Variants in PAX5 observed in about 807,000 individuals in gnomAD.
PAX5 encodes paired box protein Pax-5.
Under a neutral mutation model 43.7 loss-of-function variants are expected in PAX5, and 9 were observed. The ratio of observed to expected loss-of-function variants is 0.21; its 90% CI spans 0.12 to 0.36. The LOEUF is 0.36. Ranked by LOEUF, PAX5 falls within the 10% of genes least tolerant of loss-of-function variation. PAX5 has a pLI of 1.00. For synonymous variants in PAX5, 228 were observed against 214.3 expected, an observed-to-expected ratio of 1.06 and a Z score of -0.56; for missense variants, 383 against 532.7, an observed-to-expected ratio of 0.72 and a Z score of 2.77.
chr9:36,996,624 C>T (rs1837417370), intron 5 of PAX5, among the ~76,000 whole-genome samples: 1 of 152,210 alleles, frequency 6.6e-6, no homozygotes, highest in Non-Finnish European at 1.5e-5. Flanking sequence ...CAGCAGACAG[C>T]ATCTATGCAT....
chr9:37,002,587 G>A, intron 5 of PAX5, 61 bp downstream of exon 5: 4 of 1,559,224 alleles, frequency 2.6e-6, no homozygotes, highest in South Asian at 1.2e-5. Flanking sequence ...ACCCGCGACC[G>A]AGCGCCGGAA....
At chr9:36,989,801 C>T (rs1836773466) in intron 5 of PAX5, among the ~76,000 whole-genome samples, 1 of 152,208 alleles carries the variant, frequency 6.6e-6, no homozygotes, top group Admixed American at 6.5e-5. Flanking sequence ...CCCAGATGAG[C>T]CCATGGCTTC....
intron 6 of PAX5, among the ~76,000 whole-genome samples, chr9:36,924,881 C>T (rs1014033413): frequency 3.1e-4 from 7 of 22,888 alleles, no homozygotes; most frequent in Non-Finnish European, 6.4e-4. Flanking sequence ...CTTAAGCCAA[C>T]AAATTTGTTT....
At chr9:36,891,667 C>T (rs971153445) in intron 7 of PAX5, among the ~76,000 whole-genome samples, 12 of 152,340 alleles carry the variant, frequency 7.9e-5, no homozygotes, top group African/African-American at 2.2e-4. Context: ...GTCATTAAAG[C>T]GGATCTGGCA....
chr9:36,995,106 A>G (rs1198920198), intron 5 of PAX5, among the ~76,000 whole-genome samples: 1 of 152,230 alleles, frequency 6.6e-6, no homozygotes, highest in East Asian at 1.9e-4. Context: ...AGCAGAGGCC[A>G]AGACAAAATG....
At chr9:36,977,016 C>T (rs1284128964) in intron 5 of PAX5, among the ~76,000 whole-genome samples, 2 of 152,164 alleles carry the variant, frequency 1.3e-5, no homozygotes, top group African/African-American at 4.8e-5. Flanking sequence ...CTAGAGAGAG[C>T]TTCAAGTCTT....
intron 3 of PAX5, among the ~76,000 whole-genome samples, chr9:37,013,065 C>A (rs1035847027): frequency 6.6e-6 from 1 of 151,268 alleles, no homozygotes; most frequent in Non-Finnish European, 1.5e-5. Flanking sequence ...GCCTGGGCAA[C>A]ATAGGGAGAC....
At chr9:37,016,558 AG>A (rs1048718013) in intron 2 of PAX5, among the ~76,000 whole-genome samples, 2 of 152,234 alleles carry the variant, frequency 1.3e-5, no homozygotes, top group South Asian at 4.1e-4. Flanking sequence ...ACATCATTTC[AG>A]GGGGGGATAA....
chr9:36,933,177 G>GAAAA (rs1831267737), intron 6 of PAX5, among the ~76,000 whole-genome samples: 1 of 149,604 alleles, frequency 6.7e-6, no homozygotes, highest in Non-Finnish European at 1.5e-5. Context: ...AAGAAAGAAA[G>GAAAA]TCTCCATAGT....
intron 6 of PAX5, among the ~76,000 whole-genome samples, chr9:36,931,876 C>T (rs890070964): frequency 3.4e-5 from 5 of 148,730 alleles, no homozygotes; most frequent in African/African-American, 1.2e-4. Context: ...AAAATCATAA[C>T]ATATAATGAG....
At chr9:36,909,946 C>CA (rs1234340150) in intron 7 of PAX5, among the ~76,000 whole-genome samples, 2 of 151,414 alleles carry the variant, frequency 1.3e-5, no homozygotes, top group Admixed American at 1.3e-4. Flanking sequence ...CCCAGCCTCC[C>CA]AAGCAGCTGG....
At chr9:36,843,363 A>G (rs1231744670) in intron 9 of PAX5, among the ~76,000 whole-genome samples, 1 of 152,166 alleles carries the variant, frequency 6.6e-6, no homozygotes, top group Non-Finnish European at 1.5e-5. Flanking sequence ...GCTATTTGCA[A>G]GGCTGTGGGT....
At chr9:36,970,268 G>A (rs1173809485) in intron 5 of PAX5, among the ~76,000 whole-genome samples, 1 of 152,204 alleles carries the variant, frequency 6.6e-6, no homozygotes, top group African/African-American at 2.4e-5. Flanking sequence ...GGAACCGTGA[G>A]GAGTGACCAG....
At position 36,836,755 on chromosome 9, in the gene PAX5, G is replaced by C. The variant is rs980456608; in HGVS notation, c.*3805C>G. ...CTGCATACTGTCACAGCCAGGCCTGGAGCCTGTTCCAAAGTGCGAAGGCAA... is the reference window on the plus strand; with the variant it reads ...CTGCATACTGTCACAGCCAGGCCTGCAGCCTGTTCCAAAGTGCGAAGGCAA... On this transcript the variant is annotated 3_prime_UTR_variant, in exon 10 of 10. Transcript: ENST00000358127. 4.3e-6 allele frequency: 1 copy of C among 232,346 alleles called. No homozygotes were observed. Among genetic ancestry groups the C allele is most frequent in the Non-Finnish European group, 8.5e-6 (1 of 117,570 alleles). 14.4% of individuals were successfully genotyped at this position (232,346 alleles called of 1,614,324 possible). A position where few individuals can be genotyped will look rare whatever the true frequency, so the allele number is the denominator to read the frequency against.
chr9:36,874,955 T>A (rs140117931), intron 8 of PAX5, among the ~76,000 whole-genome samples: 54 of 152,300 alleles, frequency 3.5e-4, no homozygotes, highest in Non-Finnish European at 5.9e-4. Context: ...CACTTAATGC[T>A]CACATTTATT....
In PAX5 at chr9:37,033,927, GACCAA is replaced by G; in HGVS notation, c.46+54_46+58del. 1.9e-6 allele frequency: 3 copies of G among 1,558,094 alleles called. No homozygotes were observed. In the South Asian group the frequency reaches 3.4e-5, roughly 18 times the overall value. On this transcript the variant is annotated intron_variant, in intron 1 of 9. Transcript: ENST00000358127. ...CTCCTCCAGGGTCACCCTGCGTGGG[GACCAA>G]GGCCTGGCCGTGTCCCGGAGTTTGC...
At chr9:36,957,523 C>A (rs1401985236) in intron 6 of PAX5, among the ~76,000 whole-genome samples, 2 of 152,146 alleles carry the variant, frequency 1.3e-5, no homozygotes, top group African/African-American at 4.8e-5. Context: ...TCCAACCAAA[C>A]CCCAACTCTT....
chr9:36,884,081 G>A (rs1006510081), intron 7 of PAX5, among the ~76,000 whole-genome samples: 2 of 152,154 alleles, frequency 1.3e-5, no homozygotes, highest in Non-Finnish European at 2.9e-5. Flanking sequence ...AAACCTTCAA[G>A]AGACACATAT....
chr9:37,017,525 A>C (rs543019450), intron 2 of PAX5, among the ~76,000 whole-genome samples: 1 of 152,356 alleles, frequency 6.6e-6, no homozygotes, highest in Admixed American at 6.5e-5. Context: ...CACTCACTCA[A>C]TTGATAGTCA....
Sources: allele counts gnomAD v4.1 joint callset (sites outside exome capture counted in the v4.1 genomes callset), GRCh38; gene constraint gnomAD v4.1.1; transcripts MANE v1.5; gene names NCBI Gene and HGNC (gene_info 2026-07-23, HGNC 2026-07-21).